The following LRP6 variants were observed in gnomAD, a reference collection of about 807,000 sequenced individuals.
LRP6 encodes low-density lipoprotein receptor-related protein 6.
In LRP6, 43 loss-of-function variants were observed where a neutral mutation model predicts 184.1. The observed-to-expected ratio is 0.23, with a 90% CI of 0.18 to 0.30. The LOEUF is 0.30. Ranked by LOEUF, LRP6 falls within the 10% of genes least tolerant of loss-of-function variation. The pLI, the probability that LRP6 is intolerant of heterozygous loss-of-function variation, is 1.00. For missense variants in LRP6, 1,571 were observed against 2,005.3 expected (o/e 0.78, Z 4.14); for synonymous variants, 719 against 684.9 (o/e 1.05, Z -0.78).
intron 10 of LRP6, among the ~76,000 whole-genome samples, chr12:12,161,187 T>G (rs1182871639): frequency 1.3e-5 from 2 of 152,342 alleles, no homozygotes; most frequent in South Asian, 2.1e-4. Context: ...AATTACTAGC[T>G]AATCATGGAA....
intron 2 of LRP6, chr12:12,226,647 A>T (rs191318945): frequency 2.0e-5 from 3 of 152,372 alleles, no homozygotes; most frequent in African/African-American, 7.2e-5. Context: ...AAAGACTGAA[A>T]AAAAGGGAAC....
At chr12:12,249,352 A>G in intron 1 of LRP6, 1 of 1,125,438 alleles carries the variant, frequency 8.9e-7, no homozygotes, top group African/African-American at 1.5e-5. Flanking sequence ...TTGTCCTGCA[A>G]GAGCTTTGGC....
At chr12:12,241,107 T>C (rs1465952065) in intron 2 of LRP6, among the ~76,000 whole-genome samples, 1 of 152,170 alleles carries the variant, frequency 6.6e-6, no homozygotes, top group Admixed American at 6.5e-5. Flanking sequence ...AGCACACAGA[T>C]GTCTGCACTA....
chr12:12,179,389 TATAG>T (rs903257220), intron 7 of LRP6, among the ~76,000 whole-genome samples: 19 of 145,380 alleles, frequency 1.3e-4, no homozygotes, highest in African/African-American at 3.0e-4. Flanking sequence ...TAGATATAGA[TATAG>T]ATATAGATAT....
At chr12:12,199,879 G>A (rs1424987481) in intron 3 of LRP6, among the ~76,000 whole-genome samples, 1 of 136,814 alleles carries the variant, frequency 7.3e-6, no homozygotes, top group Non-Finnish European at 1.5e-5. Context: ...CAGGAGAATC[G>A]CTTGAACCCG....
chr12:12,184,552 T>C (rs531204822), intron 4 of LRP6, among the ~76,000 whole-genome samples: 1 of 152,146 alleles, frequency 6.6e-6, no homozygotes, highest in African/African-American at 2.4e-5. Flanking sequence ...ATAGGAAGGA[T>C]AGATAAGAGG....
intron 3 of LRP6, among the ~76,000 whole-genome samples, chr12:12,198,530 C>CTTTTT (rs56150307): frequency 6.5e-5 from 5 of 76,988 alleles, no homozygotes; most frequent in South Asian, 5.9e-4. Flanking sequence ...GAATTTTTCT[C>CTTTTT]TTTTTTTTTT....
rs1236838823 is a variant in LRP6, at chr12:12,155,868, GTA to G, written c.2791+2959_2791+2960del. On this transcript the variant is annotated intron_variant, in intron 12 of 22. Transcript: ENST00000261349. ...TCACAAAGCTGTTGGGTAAAACAGC[GTA>G]TGTGTTTTTCCAAGCCTTGCCTTGT... The G allele has an allele frequency of 1.3e-5, 8 of 613,138 alleles. No individual in the cohort carries two copies. The African/African-American group carries it at 1.5e-4, about 12-fold the overall frequency. The allele number at this position is 613,138 out of a possible 1,614,324, so 38.0% of individuals were successfully genotyped here.
chr12:12,165,951 C>T (rs1565588845), intron 7 of LRP6, among the ~76,000 whole-genome samples: 1 of 152,196 alleles, frequency 6.6e-6, no homozygotes, highest in Admixed American at 6.5e-5. Context: ...CTCTTTCCAA[C>T]TACCTAATAG....
In LRP6 at chr12:12,221,869, T is replaced by C. The variant is rs548139282; in HGVS notation, c.450-18469A>G. Among the ~76,000 whole-genome samples, 43 of 152,344 alleles carry C rather than the reference T, an allele frequency of 2.8e-4. No homozygotes were observed. In the South Asian group the frequency reaches 4.8e-3, roughly 17 times the overall value. On this transcript the variant is annotated intron_variant, in intron 2 of 22. Coordinates refer to ENST00000261349, the MANE Select transcript of LRP6 (RefSeq NM_002336.3). ...GGAGGATGACTTAAAATATTTTATT[T>C]TGGTGTTGGACTGTGTCATCTATAA...
chr12:12,149,177 G>GA, intron 13 of LRP6, 24 bp from the exon 14 acceptor site: 4 of 1,598,140 alleles, frequency 2.5e-6, no homozygotes, highest in African/African-American at 1.3e-5. Context: ...GAAATACAGA[G>GA]AAAATTAAAC....
At chr12:12,123,953 T>C (rs1949637168) in intron 22 of LRP6, among the ~76,000 whole-genome samples, 1 of 152,178 alleles carries the variant, frequency 6.6e-6, no homozygotes, top group African/African-American at 2.4e-5. Flanking sequence ...CAATATTTCA[T>C]TCTTAGAATA....
intron 2 of LRP6, among the ~76,000 whole-genome samples, chr12:12,238,748 C>T (rs1008201645): frequency 3.9e-5 from 6 of 151,994 alleles, no homozygotes; most frequent in Non-Finnish European, 8.8e-5. Context: ...TTGAAAGAAA[C>T]ACTGAAGGGC....
rs113344351 is a variant in LRP6, at chr12:12,165,052, T to C, written c.1762+27A>G. 116 of 1,569,032 alleles carry C rather than the reference T, an allele frequency of 7.4e-5. 1 individual carries two copies. In the African/African-American group the frequency reaches 1.2e-3, roughly 16 times the overall value. ...ATCTTTTTTCATTCCTGGTTCCCAT[T>C]TCTAAGAAAGCTTTGGAGTTACTCA... On this transcript the variant is annotated intron_variant, in intron 8 of 22. Transcript: ENST00000261349.
Position 12,147,427 on chromosome 12 carries a change from C to T in LRP6, c.3336G>A (p.Arg1112=). The change falls in exon 15 of 23, where the codon AGG becomes AGA. Residue 1112 remains arginine (R), a synonymous_variant. Coordinates refer to ENST00000261349, the MANE Select transcript of LRP6 (RefSeq NM_002336.3). ...AATCAGCCCAAAAGAGCTTGCCCAG[C>T]CTGCTATCAAGGGCTAAAGCAATTG... The part of the protein sequence containing the change: ...SKPIALALDS[R]LGKLFWADSD... 6.2e-7 allele frequency: 1 copy of T among 1,614,116 alleles called. No individual in the cohort carries two copies. Among genetic ancestry groups the T allele is most frequent in the East Asian group, 2.2e-5 (1 of 44,870 alleles).
chr12:12,181,014 C>G, intron 6 of LRP6, 29 bp downstream of exon 6: 1 of 1,613,568 alleles, frequency 6.2e-7, no homozygotes, highest in South Asian at 1.1e-5. Context: ...AAACACCACA[C>G]AGAATTTACT....
intron 21 of LRP6, 39 bp downstream of exon 21, chr12:12,125,257 C>T: frequency 1.2e-6 from 2 of 1,611,072 alleles, no homozygotes; most frequent in Non-Finnish European, 8.5e-7. Flanking sequence ...AATCTAAGAT[C>T]TTATGTATGT....
chr12:12,223,806 T>C (rs1018413802), intron 2 of LRP6, among the ~76,000 whole-genome samples: 1 of 152,224 alleles, frequency 6.6e-6, no homozygotes, highest in African/African-American at 2.4e-5. Context: ...CTTTACCACA[T>C]GGATCACTCT....
chr12:12,255,231 C>T (rs1470367922), intron 1 of LRP6, among the ~76,000 whole-genome samples: 2 of 152,112 alleles, frequency 1.3e-5, no homozygotes, highest in South Asian at 2.1e-4. Flanking sequence ...AATTCCTAAA[C>T]TTTGGCTTGC....
Sources: allele counts gnomAD v4.1 joint callset (sites outside exome capture counted in the v4.1 genomes callset), GRCh38; gene constraint gnomAD v4.1.1; transcripts MANE v1.5; gene names NCBI Gene and HGNC (gene_info 2026-07-23, HGNC 2026-07-21).